Variants in SUGCT observed in about 807,000 individuals in gnomAD.
The protein encoded by SUGCT is succinyl-CoA:glutarate CoA-transferase.
SUGCT carries 41 observed loss-of-function variants against 55.0 expected under a neutral mutation model. That is an observed-to-expected ratio of 0.74 (90% CI 0.58 to 0.97). The LOEUF is 0.97. Ranked by LOEUF, SUGCT falls within the 50% of genes least tolerant of loss-of-function variation. The pLI, the probability that SUGCT is intolerant of heterozygous loss-of-function variation, is 0.00. For missense variants in SUGCT, 568 were observed against 547.8 expected, an observed-to-expected ratio of 1.04 and a Z score of -0.37; for synonymous variants, 187 against 200.4, an observed-to-expected ratio of 0.93 and a Z score of 0.56.
intron 12 of SUGCT, among the ~76,000 whole-genome samples, chr7:40,735,705 A>G (rs904890018): frequency 1.3e-5 from 2 of 152,152 alleles, no homozygotes; most frequent in Non-Finnish European, 2.9e-5. Context: ...AAAAAACAAA[A>G]CAAAACAAAA....
chr7:40,299,413 G>C (rs1794386844), intron 8 of SUGCT, among the ~76,000 whole-genome samples: 1 of 152,124 alleles, frequency 6.6e-6, no homozygotes, highest in Admixed American at 6.6e-5. Flanking sequence ...ACAACAAACT[G>C]TCACAGGTTG....
At chr7:40,986,315 A>T in the SUGCT span, among the ~76,000 whole-genome samples, 19 of 152,222 alleles carry the variant, frequency 1.2e-4, no homozygotes, top group African/African-American at 4.6e-4. Flanking sequence ...AGACATGTCA[A>T]AATGAATAAG....
the SUGCT span, among the ~76,000 whole-genome samples, chr7:40,874,870 C>A: frequency 6.6e-6 from 1 of 152,198 alleles, no homozygotes; most frequent in Non-Finnish European, 1.5e-5. Context: ...ATGATTAATA[C>A]ATGGGAGAAA....
At chr7:40,461,337 G>A (rs998002845) in intron 11 of SUGCT, among the ~76,000 whole-genome samples, 26 of 152,008 alleles carry the variant, frequency 1.7e-4, no homozygotes, top group Admixed American at 9.2e-4. Context: ...ATGATTAGAC[G>A]TAGCCTCCAG....
intron 1 of SUGCT, among the ~76,000 whole-genome samples, chr7:40,174,863 T>A (rs1393934227): frequency 6.6e-6 from 1 of 152,240 alleles, no homozygotes; most frequent in African/African-American, 2.4e-5. Flanking sequence ...TTGTTACTGA[T>A]TGATATTCCA....
intron 3 of SUGCT, among the ~76,000 whole-genome samples, chr7:40,184,819 A>G (rs187494075): frequency 6.6e-6 from 1 of 152,312 alleles, no homozygotes; most frequent in East Asian, 1.9e-4. Flanking sequence ...GTAATTGACC[A>G]TAAGTGATAG....
At chr7:40,350,542 G>T (rs966769142) in intron 9 of SUGCT, among the ~76,000 whole-genome samples, 1 of 151,184 alleles carries the variant, frequency 6.6e-6, no homozygotes, top group Non-Finnish European at 1.5e-5. Flanking sequence ...TGTTGGTCAG[G>T]CTGGTCTTGA....
intron 8 of SUGCT, among the ~76,000 whole-genome samples, chr7:40,278,528 T>C (rs754767636): frequency 3.9e-5 from 6 of 152,216 alleles, no homozygotes; most frequent in Non-Finnish European, 7.3e-5. Flanking sequence ...TTCTACAGCT[T>C]ACCTGAAGTG....
chr7:40,146,407 A>C (rs1788248059), intron 1 of SUGCT, among the ~76,000 whole-genome samples: 1 of 152,226 alleles, frequency 6.6e-6, no homozygotes, highest in Non-Finnish European at 1.5e-5. Context: ...ACACACACGC[A>C]GAAATATAGA....
intron 9 of SUGCT, among the ~76,000 whole-genome samples, chr7:40,377,372 A>G (rs939331537): frequency 6.7e-6 from 1 of 150,048 alleles, no homozygotes; most frequent in Non-Finnish European, 1.5e-5. Context: ...CCTCCTGGGT[A>G]GCTGGGATGA....
In SUGCT at chr7:40,678,862, C is replaced by G. The variant is rs367891490; in HGVS notation, c.1090-70572C>G. On this transcript the variant is annotated intron_variant, in intron 12 of 13. Transcript: ENST00000335693. ...CCCTGGGCTTTTAGAACAGTCCTTT[C>G]ACTACTATTGCGAAGTGTTATTAAA... Among the ~76,000 whole-genome samples, 24 of 152,276 alleles carry G rather than the reference C, an allele frequency of 1.6e-4. No individual in the cohort carries two copies. In the East Asian group the frequency reaches 1.9e-3, roughly 12 times the overall value.
At chr7:40,969,443 C>T in the SUGCT span, among the ~76,000 whole-genome samples, 1 of 152,202 alleles carries the variant, frequency 6.6e-6, no homozygotes, top group African/African-American at 2.4e-5. Context: ...TCACTGCAGC[C>T]TCAACCTCCC....
intron 6 of SUGCT, among the ~76,000 whole-genome samples, chr7:40,234,924 GA>G (rs921126310): frequency 2.1e-5 from 3 of 142,742 alleles, no homozygotes; most frequent in Admixed American, 7.0e-5. Flanking sequence ...AAAGAAAAAA[GA>G]AAAAAAAAAG....
chr7:40,517,834 C>T (rs1286617153), intron 12 of SUGCT, among the ~76,000 whole-genome samples: 1 of 151,942 alleles, frequency 6.6e-6, no homozygotes, highest in Non-Finnish European at 1.5e-5. Flanking sequence ...AAGTTGCCAC[C>T]CCTTCTACCC....
At chr7:40,218,289 T>G (rs1455003798) in intron 6 of SUGCT, among the ~76,000 whole-genome samples, 1 of 152,184 alleles carries the variant, frequency 6.6e-6, no homozygotes, top group Non-Finnish European at 1.5e-5. Flanking sequence ...ATTTGCTCAT[T>G]GGAGAAATAC....
intron 9 of SUGCT, among the ~76,000 whole-genome samples, chr7:40,338,095 G>A (rs561414760): frequency 6.6e-6 from 1 of 152,284 alleles, no homozygotes. Context: ...CTTCTGGCTT[G>A]TAGAGTTTCT....
the SUGCT span, among the ~76,000 whole-genome samples, chr7:40,883,899 CACAG>C: frequency 6.6e-6 from 1 of 152,182 alleles, no homozygotes; most frequent in African/African-American, 2.4e-5. Flanking sequence ...GATATGCAAC[CACAG>C]ACAGAGTCTC....
At chr7:40,896,700 G>A in the SUGCT span, among the ~76,000 whole-genome samples, 1 of 152,288 alleles carries the variant, frequency 6.6e-6, no homozygotes, top group African/African-American at 2.4e-5. Context: ...GGAACTGTGA[G>A]TTAATTAAAT....
chr7:40,608,226 G>A (rs1798614816), intron 12 of SUGCT, among the ~76,000 whole-genome samples: 2 of 152,098 alleles, frequency 1.3e-5, no homozygotes, highest in South Asian at 2.1e-4. Context: ...TTCCTGCATC[G>A]TTCCTGAATG....
Sources: gnomAD v4.1 joint callset for allele counts (sites outside exome capture counted in the v4.1 genomes callset) on GRCh38, gnomAD v4.1.1 for gene constraint, MANE v1.5 for transcripts, NCBI Gene and HGNC (gene_info 2026-07-23, HGNC 2026-07-21) for gene names.